Variants in DDX59 observed in about 807,000 individuals in gnomAD.
The protein encoded by DDX59 is probable ATP-dependent RNA helicase DDX59.
DDX59 carries 30 observed loss-of-function variants against 51.9 expected under a neutral mutation model. The ratio of observed to expected loss-of-function variants is 0.58; its 90% CI spans 0.43 to 0.78. The LOEUF is 0.78. Ranked by LOEUF, DDX59 falls within the 30% of genes least tolerant of loss-of-function variation. DDX59 has a pLI of 0.00. For synonymous variants in DDX59, 255 were observed against 253.3 expected (o/e 1.01, Z -0.06); for missense variants, 672 against 730.8 (o/e 0.92, Z 0.93).
chr1:200,650,492 T>C lies in DDX59; in HGVS notation c.1247A>G (p.Asn416Ser), dbSNP rs751642340. Residue 416 changes from asparagine (N) to serine (S), a missense_variant, in exon 5 of 8, where the codon AAT (asparagine) becomes AGT (serine). Physicochemically the swap from Asn to Ser is conservative, Grantham distance 46. Transcript: ENST00000331314. ...TACCCACAAAATAATCTGACGTACATTGGCACAAGGTAGGTTCTTTTCTCC... is the reference window on the plus strand; with the variant it reads ...TACCCACAAAATAATCTGACGTACACTGGCACAAGGTAGGTTCTTTTCTCC... ...ITGEKNLPCA[N>S]VRQIILWVED... The C allele has an allele frequency of 3.1e-6, 5 of 1,613,946 alleles. No homozygotes were observed. Among genetic ancestry groups the C allele is most frequent in the Admixed American group, 1.7e-5 (1 of 59,992 alleles).
rs1485085261 is a variant in DDX59, at chr1:200,649,000, T to C, written c.1467+74A>G. On this transcript the variant is annotated intron_variant, in intron 6 of 7. Transcript: ENST00000331314. Reference sequence around the variant, plus strand: ...GAGGATCTGTTATAAAAACCAGCTGTAATATGGTTATCTCTTGAAAATGAG... The same window carrying C: ...GAGGATCTGTTATAAAAACCAGCTGCAATATGGTTATCTCTTGAAAATGAG... The C allele has an allele frequency of 2.4e-5, 33 of 1,401,140 alleles. 1 individual carries two copies. The highest frequency in any genetic ancestry group is 3.0e-5 in the Non-Finnish European group (31 of 1,048,356). The allele number at this position is 1,401,140 out of a possible 1,614,324, so 86.8% of individuals were successfully genotyped here. A position where few individuals can be genotyped will look rare whatever the true frequency, so the allele number is the denominator to read the frequency against.
At chr1:200,657,249 CAAAAAAAAA>C (rs147751957) in intron 4 of DDX59, among the ~76,000 whole-genome samples, 21 of 77,652 alleles carry the variant, frequency 2.7e-4, no homozygotes, top group East Asian at 7.3e-4. Flanking sequence ...AAACTGTCTA[CAAAAAAAAA>C]AAAAAAAAAA....
At chr1:200,665,819 C>T (rs765905277) in intron 2 of DDX59, 118 bp downstream of exon 2, 235 of 1,134,664 alleles carry the variant, frequency 2.1e-4, no homozygotes, top group Non-Finnish European at 2.7e-4. Flanking sequence ...GCACTAGTGA[C>T]TAAAATTCCA....
intron 4 of DDX59, chr1:200,655,153 C>T (rs925194324): frequency 2.0e-5 from 3 of 152,190 alleles, no homozygotes; most frequent in Non-Finnish European, 2.9e-5. Context: ...GGTAATTCAC[C>T]ATGTCTAAAG....
downstream of DDX59, among the ~76,000 whole-genome samples, chr1:200,643,669 C>A (rs1558110025): frequency 6.6e-6 from 1 of 151,920 alleles, no homozygotes; most frequent in Non-Finnish European, 1.5e-5. Flanking sequence ...CAAAAACAAA[C>A]AAAAAACCTA....
chr1:200,649,749 T>C (rs1661534192), intron 5 of DDX59, among the ~76,000 whole-genome samples: 1 of 152,108 alleles, frequency 6.6e-6, no homozygotes, highest in Non-Finnish European at 1.5e-5. Flanking sequence ...TTTCCATCAC[T>C]TAATACTCCA....
chr1:200,642,205 T>G (rs2102821154), downstream of DDX59, among the ~76,000 whole-genome samples: 1 of 152,274 alleles, frequency 6.6e-6, no homozygotes, highest in South Asian at 2.1e-4. Context: ...ATATAGTTAC[T>G]GTAAAACAAA....
At chr1:200,658,863 T>C (rs1340767252) in intron 4 of DDX59, among the ~76,000 whole-genome samples, 164 bp downstream of exon 4, 1 of 152,226 alleles carries the variant, frequency 6.6e-6, no homozygotes, top group Non-Finnish European at 1.5e-5. Context: ...GTACACATTA[T>C]GTTAGCTTCA....
intron 4 of DDX59, among the ~76,000 whole-genome samples, chr1:200,652,002 C>T (rs1210468875): frequency 8.7e-5 from 8 of 91,868 alleles, no homozygotes; most frequent in Admixed American, 3.4e-4. Flanking sequence ...AGTGAGCCTC[C>T]GTCTCAAAAA....
At position 200,659,099 on chromosome 1, in the gene DDX59, A is replaced by C. The variant is rs200306589; in HGVS notation, c.990T>G (p.Pro330=). Residue 330 remains proline, a synonymous_variant, in exon 4 of 8, where the codon CCT becomes CCG. Transcript: ENST00000331314. ...QQHVKVIIAT[P]GRLLDIIKQS... Reference sequence around the variant, plus strand: ...GCTTTATTATATCCAGAAGTCGCCCAGGGGTTGCTATGATAACCTAAATAA... The same window carrying C: ...GCTTTATTATATCCAGAAGTCGCCCCGGGGTTGCTATGATAACCTAAATAA... 1 of 1,613,380 alleles carries C rather than the reference A, an allele frequency of 6.2e-7. No homozygotes were observed. The highest frequency in any genetic ancestry group is 8.5e-7 in the Non-Finnish European group (1 of 1,179,718).
downstream of DDX59, among the ~76,000 whole-genome samples, chr1:200,642,121 C>A (rs892831001): frequency 1.3e-5 from 2 of 151,868 alleles, no homozygotes; most frequent in Non-Finnish European, 2.9e-5. Context: ...TAAAAGCCAC[C>A]CCTTAAGGTG....
At chr1:200,644,572 T>C in intron 7 of DDX59, 55 bp from the exon 8 acceptor site, 1 of 1,517,288 alleles carries the variant, frequency 6.6e-7, no homozygotes, top group Non-Finnish European at 8.8e-7. Context: ...TCTTAGTGTC[T>C]TTTGAAAGAA....
rs763032201 is a variant in DDX59 at position 200,666,653 on chromosome 1, C to G, written c.88G>C (p.Glu30Gln). 25 of 1,614,084 alleles carry G rather than the reference C, an allele frequency of 1.5e-5. No homozygotes were observed. Among genetic ancestry groups the G allele is most frequent in the Non-Finnish European group, 2.0e-5 (24 of 1,180,056 alleles). ...CVAKIIKPDPEDLQLDKSRDV... is the reference protein window; with the variant it reads ...CVAKIIKPDPQDLQLDKSRDV... ...CTGCTTTTGTCCAACTGAAGGTCTT[C>G]TGGGTCTGGTTTAATTATCTTAGCC... is the stretch of plus-strand genomic sequence containing the variant. The change falls in exon 2 of 8, where the codon GAA (glutamate) becomes CAA (glutamine). Residue 30 changes from glutamate to glutamine, a missense_variant. Physicochemically the swap from Glu to Gln is conservative, Grantham distance 29. Transcript: ENST00000331314.
chr1:200,656,400 G>GTATATGTA (rs1393778404), intron 4 of DDX59, among the ~76,000 whole-genome samples: 1 of 152,080 alleles, frequency 6.6e-6, no homozygotes, highest in Non-Finnish European at 1.5e-5. Context: ...CTTTACTTCA[G>GTATATGTA]TATATGTATC....
chr1:200,650,313 G>C (rs932863694), intron 5 of DDX59, 112 bp downstream of exon 5: 1 of 1,204,380 alleles, frequency 8.3e-7, no homozygotes, highest in African/African-American at 1.5e-5. Flanking sequence ...CAATTTATTA[G>C]TAAATACCTA....
chr1:200,644,551 T>C (rs981217765), intron 7 of DDX59, 34 bp from the exon 8 acceptor site: 46 of 1,536,142 alleles, frequency 3.0e-5, no homozygotes, highest in Non-Finnish European at 3.8e-5. Flanking sequence ...TTTCAAGATG[T>C]CCATGTAAAA....
chr1:200,650,256 C>T (rs965022012), intron 5 of DDX59, among the ~76,000 whole-genome samples, 169 bp downstream of exon 5: 5 of 152,018 alleles, frequency 3.3e-5, no homozygotes, highest in African/African-American at 7.3e-5. Flanking sequence ...CATGTTTTCC[C>T]AAATAGCTAT....
chr1:200,659,548 G>T (rs1662247406), intron 3 of DDX59, among the ~76,000 whole-genome samples: 2 of 152,226 alleles, frequency 1.3e-5, no homozygotes, highest in Admixed American at 1.3e-4. Context: ...CTTGTAGGCA[G>T]TTTGATTGCT....
chr1:200,647,573 G>GTT (rs961407153), intron 7 of DDX59, among the ~76,000 whole-genome samples: 6 of 141,274 alleles, frequency 4.2e-5, no homozygotes, highest in Middle Eastern at 3.7e-3. Flanking sequence ...GTTACTTCTA[G>GTT]TTTTTTTTTT....
Sources: gnomAD v4.1 joint callset for allele counts (sites outside exome capture counted in the v4.1 genomes callset) on GRCh38, gnomAD v4.1.1 for gene constraint, MANE v1.5 for transcripts, NCBI Gene and HGNC (gene_info 2026-07-23, HGNC 2026-07-21) for gene names.